OPCML: variants seen among roughly 807,000 people sequenced by gnomAD.
OPCML encodes opioid-binding protein/cell adhesion molecule.
In OPCML, 13 loss-of-function variants were observed where a neutral mutation model predicts 37.8. The ratio of observed to expected loss-of-function variants is 0.34; its 90% confidence interval spans 0.22 to 0.55. The LOEUF is 0.55. Among genes scored for constraint, OPCML ranks in the 20% least tolerant of loss-of-function variants. The pLI is 0.91. For synonymous variants in OPCML, 176 were observed against 168.8 expected (o/e 1.04, Z -0.33); for missense variants, 341 against 435.6 (o/e 0.78, Z 1.93).
intron 4 of OPCML, among the ~76,000 whole-genome samples, chr11:132,441,645 G>A (rs574240944): frequency 6.6e-6 from 1 of 152,192 alleles, no homozygotes; most frequent in African/African-American, 2.4e-5. Flanking sequence ...AAGGTTGGAA[G>A]CAACAGAAAG....
chr11:132,545,523 A>T (rs192537625), intron 3 of OPCML, among the ~76,000 whole-genome samples: 1 of 152,358 alleles, frequency 6.6e-6, no homozygotes, highest in Admixed American at 6.5e-5. Flanking sequence ...TGATACATTA[A>T]CATAATTCAA....
chr11:132,669,906 C>A (rs1192396858), intron 2 of OPCML, among the ~76,000 whole-genome samples: 1 of 152,070 alleles, frequency 6.6e-6, no homozygotes, highest in Non-Finnish European at 1.5e-5. Flanking sequence ...TATATAGAGC[C>A]TTTTAGGGAG....
chr11:132,924,005 C>T (rs377031188), intron 2 of OPCML, among the ~76,000 whole-genome samples: 2 of 151,576 alleles, frequency 1.3e-5, no homozygotes, highest in African/African-American at 2.4e-5. Context: ...TCAGGTGATC[C>T]GCCCGCCTCG....
chr11:133,462,085 T>A lies in OPCML; in HGVS notation c.61+70179A>T, dbSNP rs370024531. On this transcript the variant is annotated intron_variant, in intron 1 of 7. Coordinates refer to ENST00000524381, the MANE Select transcript of OPCML (RefSeq NM_001012393.5). ...AAACTAGATATTCATATGCAAAATA[T>A]GAAATTCAACCCTTAATTTAGCCCA... is the stretch of plus-strand genomic sequence containing the variant. Among the ~76,000 whole-genome samples the A allele has an allele frequency of 6.6e-5, 10 of 152,098 alleles. No homozygotes were observed. The East Asian group carries it at 1.3e-3, about 21-fold the overall frequency.
chr11:133,187,103 A>C (rs1938118937), intron 1 of OPCML, among the ~76,000 whole-genome samples: 1 of 152,264 alleles, frequency 6.6e-6, no homozygotes, highest in African/African-American at 2.4e-5. Context: ...TTTACATTTT[A>C]CAGGATGCTC....
At chr11:133,071,568 G>T (rs1437289434) in intron 1 of OPCML, among the ~76,000 whole-genome samples, 3 of 152,188 alleles carry the variant, frequency 2.0e-5, no homozygotes, top group African/African-American at 7.2e-5. Context: ...ATGGCTCTGT[G>T]CTAGCACTGC....
At chr11:132,484,035 A>C (rs2096190669) in intron 4 of OPCML, among the ~76,000 whole-genome samples, 1 of 152,202 alleles carries the variant, frequency 6.6e-6, no homozygotes, top group Non-Finnish European at 1.5e-5. Context: ...AAACACCAAA[A>C]GCAATGGCAA....
intron 1 of OPCML, among the ~76,000 whole-genome samples, chr11:133,011,035 T>G (rs536060337): frequency 1.3e-5 from 2 of 152,348 alleles, no homozygotes; most frequent in South Asian, 2.1e-4. Flanking sequence ...GTAGGTAAAC[T>G]GTTGCAAGTT....
chr11:133,524,519 C>T (rs1421952249), intron 1 of OPCML, among the ~76,000 whole-genome samples: 1 of 152,162 alleles, frequency 6.6e-6, no homozygotes, highest in Non-Finnish European at 1.5e-5. Context: ...ATAACTGGGG[C>T]CATTTCAGCA....
At chr11:132,614,157 G>T (rs901503630) in intron 3 of OPCML, among the ~76,000 whole-genome samples, 3 of 151,914 alleles carry the variant, frequency 2.0e-5, no homozygotes, top group Non-Finnish European at 4.4e-5. Flanking sequence ...AAAGACTCCC[G>T]GTTCCGGTTC....
chr11:132,777,483 G>T (rs1277593355), intron 2 of OPCML, among the ~76,000 whole-genome samples: 5 of 152,134 alleles, frequency 3.3e-5, no homozygotes, highest in African/African-American at 1.2e-4. Flanking sequence ...GTCATTCTGG[G>T]GCAGGTGCCA....
At chr11:132,947,669 A>C (rs967178844) in intron 1 of OPCML, among the ~76,000 whole-genome samples, 2 of 152,340 alleles carry the variant, frequency 1.3e-5, no homozygotes, top group Non-Finnish European at 2.9e-5. Flanking sequence ...TGAGGTTCAC[A>C]ATGAACAAGG....
intron 4 of OPCML, among the ~76,000 whole-genome samples, chr11:132,515,667 G>C (rs1019281410): frequency 6.6e-6 from 1 of 152,178 alleles, no homozygotes; most frequent in Non-Finnish European, 1.5e-5. Flanking sequence ...ATGTTAGTTG[G>C]TTTTCTTCCC....
At chr11:133,501,369 C>A (rs1947912413) in intron 1 of OPCML, among the ~76,000 whole-genome samples, 1 of 152,116 alleles carries the variant, frequency 6.6e-6, no homozygotes, top group South Asian at 2.1e-4. Flanking sequence ...TTAATTATAG[C>A]CCTGGTTTAT....
intron 2 of OPCML, among the ~76,000 whole-genome samples, chr11:132,716,826 C>G (rs1314143374): frequency 6.6e-6 from 1 of 152,138 alleles, no homozygotes; most frequent in East Asian, 1.9e-4. Context: ...CCAGGTGAGT[C>G]TCTTATAAAA....
At chr11:132,641,506 T>C (rs1275319008) in intron 3 of OPCML, among the ~76,000 whole-genome samples, 1 of 152,228 alleles carries the variant, frequency 6.6e-6, no homozygotes, top group Non-Finnish European at 1.5e-5. Context: ...CTCAGAGCTA[T>C]CCTTGGGCGT....
rs113632159 is a variant in OPCML, at chr11:133,164,413, T to A, written c.62-221403A>T. 3.4e-3 allele frequency among the ~76,000 whole-genome samples: 516 copies of A among 152,330 alleles called. 1 individual carries two copies. The highest frequency in any genetic ancestry group is 0.011 in the African/African-American group (478 of 41,574). On this transcript the variant is annotated intron_variant, in intron 1 of 7. Transcript: ENST00000524381. ...ATGAATGAATAAATGTTCTTGGTAA[T>A]GTTTTGGGCACCTTGTCAGTGCTTT...
chr11:133,153,079 G>C (rs1790782878), intron 1 of OPCML, among the ~76,000 whole-genome samples: 1 of 152,120 alleles, frequency 6.6e-6, no homozygotes, highest in African/African-American at 2.4e-5. Flanking sequence ...GGGTCTTGTG[G>C]GCGGCTCTGG....
intron 2 of OPCML, among the ~76,000 whole-genome samples, chr11:132,674,037 T>C (rs1478178824): frequency 6.6e-6 from 1 of 152,154 alleles, no homozygotes; most frequent in Admixed American, 6.5e-5. Context: ...AGGCAGTGTA[T>C]GGTTGAAGAG....
Sources: allele counts gnomAD v4.1 joint callset (sites outside exome capture counted in the v4.1 genomes callset), GRCh38; gene constraint gnomAD v4.1.1; transcripts MANE v1.5; gene names NCBI Gene and HGNC (gene_info 2026-07-23, HGNC 2026-07-21).